The following CNBD1 variants were observed in gnomAD, a reference collection of about 807,000 sequenced individuals.
The protein encoded by CNBD1 is cyclic nucleotide binding domain containing 1, also known as cyclic nucleotide-binding domain-containing protein 1.
In CNBD1, 71 loss-of-function variants were observed where a neutral mutation model predicts 54.4. The ratio of observed to expected loss-of-function variants is 1.30; its 90% CI spans 1.08 to 1.59. CNBD1 has a LOEUF of 1.59. CNBD1 is among the 40% of genes most tolerant of loss of function. CNBD1 has a pLI of 0.00. For missense variants in CNBD1, 659 were observed against 518.0 expected (o/e 1.27, Z -2.64); for synonymous variants, 182 against 170.7 (o/e 1.07, Z -0.51).
intron 4 of CNBD1, among the ~76,000 whole-genome samples, chr8:86,958,889 T>G (rs1427770006): frequency 6.6e-6 from 1 of 152,230 alleles, no homozygotes; most frequent in Non-Finnish European, 1.5e-5. Flanking sequence ...AGCTGGTTAC[T>G]TTACTCATTA....
rs1218811390 is a variant in CNBD1, at chr8:87,382,617, C to T, written c.1304-3C>T. ...TTCTTGTTTGTTTGTTTGCCTTTTG[C>T]AGTGGCCTAGATCTAGAAACAACCT... On this transcript the variant is annotated splice_polypyrimidine_tract_variant and splice_region_variant and intron_variant, in intron 10 of 10. Coordinates refer to ENST00000518476, the MANE Select transcript of CNBD1 (RefSeq NM_173538.3). The T allele has an allele frequency of 4.6e-6, 7 of 1,537,232 alleles. No individual in the cohort carries two copies. The African/African-American group carries it at 6.9e-5, about 15-fold the overall frequency.
At chr8:87,089,746 T>A (rs905972686) in intron 4 of CNBD1, among the ~76,000 whole-genome samples, 2 of 152,120 alleles carry the variant, frequency 1.3e-5, no homozygotes, top group Non-Finnish European at 2.9e-5. Flanking sequence ...ACTTTACTTT[T>A]TTTTCTCAAA....
At position 86,894,035 on chromosome 8, in the gene CNBD1, A is replaced by ATTTTTTTTTTTTTTTTTTTTTT. The variant is rs869060076; in HGVS notation, c.158+6440_158+6461dup. Among the ~76,000 whole-genome samples the ATTTTTTTTTTTTTTTTTTTTTT allele has an allele frequency of 3.8e-5, 2 of 52,342 alleles. 1 individual carries two copies. Among genetic ancestry groups the ATTTTTTTTTTTTTTTTTTTTTT allele is most frequent in the Non-Finnish European group, 7.1e-5 (2 of 28,064 alleles). The allele number at this position is 52,342 out of a possible 152,430, so 34.3% of individuals were successfully genotyped here. ...TTTATTCATATATTTTAATAGATTA[A>ATTTTTTTTTTTTTTTTTTTTTT]TTTTTTTTTTTTTTTTTTTTTTTTT... On this transcript the variant is annotated intron_variant, in intron 2 of 10. Coordinates refer to ENST00000518476, the MANE Select transcript of CNBD1 (RefSeq NM_173538.3).
At chr8:87,033,108 AC>A (rs1169973180) in intron 4 of CNBD1, among the ~76,000 whole-genome samples, 1 of 152,190 alleles carries the variant, frequency 6.6e-6, no homozygotes, top group East Asian at 1.9e-4. Flanking sequence ...GATGACCTTT[AC>A]AGCTTTTTAA....
intron 8 of CNBD1, among the ~76,000 whole-genome samples, chr8:87,298,020 TTTA>T (rs1340885491): frequency 2.6e-5 from 4 of 151,678 alleles, no homozygotes; most frequent in African/African-American, 4.8e-5. Context: ...TAATAAGAGC[TTTA>T]TTATTAATAT....
intron 2 of CNBD1, among the ~76,000 whole-genome samples, chr8:87,426,147 G>T (rs1049887849): frequency 6.6e-6 from 1 of 152,196 alleles, no homozygotes; most frequent in Non-Finnish European, 1.5e-5. Flanking sequence ...TGTGCTTCCT[G>T]AGTGAGGCAA....
intron 4 of CNBD1, among the ~76,000 whole-genome samples, chr8:87,181,696 G>GT (rs1166271834): frequency 3.3e-5 from 5 of 151,898 alleles, no homozygotes; most frequent in Admixed American, 2.6e-4. Context: ...GATTTCTGAG[G>GT]TTTTTTCCTT....
In CNBD1 at chr8:86,900,725, C is replaced by T. The variant is rs1320554897; in HGVS notation, c.159-4356C>T. 2.6e-5 allele frequency among the ~76,000 whole-genome samples: 4 copies of T among 152,054 alleles called. No homozygotes were observed. In the East Asian group the frequency reaches 5.8e-4, roughly 22 times the overall value. ...TACTTCATATAAGGTTACAGGACTT[C>T]AGTTTTATATGCAAATCAGATATTG... is the stretch of plus-strand genomic sequence containing the variant. On this transcript the variant is annotated intron_variant, in intron 2 of 10. Coordinates refer to ENST00000518476, the MANE Select transcript of CNBD1 (RefSeq NM_173538.3).
At chr8:87,105,969 C>A (rs1428632731) in intron 4 of CNBD1, among the ~76,000 whole-genome samples, 1 of 152,114 alleles carries the variant, frequency 6.6e-6, no homozygotes, top group Non-Finnish European at 1.5e-5. Flanking sequence ...CAAACCATAT[C>A]TTTGATAACG....
chr8:87,328,273 T>G (rs924632143), intron 8 of CNBD1, among the ~76,000 whole-genome samples: 2 of 152,088 alleles, frequency 1.3e-5, no homozygotes, highest in Non-Finnish European at 2.9e-5. Flanking sequence ...CTTGTCAAGA[T>G]CAGTTGACAA....
At chr8:87,281,863 T>C (rs1193348653) in intron 6 of CNBD1, among the ~76,000 whole-genome samples, 3 of 151,450 alleles carry the variant, frequency 2.0e-5, no homozygotes, top group Non-Finnish European at 4.4e-5. Context: ...AAAAACCATG[T>C]GGTATTATGA....
rs534071844 is a variant in CNBD1 at position 86,936,679 on chromosome 8, C to A, written c.273-2917C>A. ...AATGGTGTGAACCCAGGAGGCAGAG[C>A]TTGCAGTGAGCTGAGATCGTACCAC... On this transcript the variant is annotated intron_variant, in intron 3 of 10. Transcript: ENST00000518476. 3.4e-5 allele frequency among the ~76,000 whole-genome samples: 5 copies of A among 147,954 alleles called. No homozygotes were observed. In the East Asian group the frequency reaches 1.0e-3, roughly 30 times the overall value.
chr8:86,905,020 C>A lies in CNBD1; in HGVS notation c.159-61C>A. ...GATACGTATATATTGAGTTAAAAAT[C>A]TTTCTCTTGGAAGCTGTTATCCTAT... is the stretch of plus-strand genomic sequence containing the variant. On this transcript the variant is annotated intron_variant, in intron 2 of 10. Transcript: ENST00000518476. 3 of 967,880 alleles carry A rather than the reference C, an allele frequency of 3.1e-6. No homozygotes were observed. In the East Asian group the frequency reaches 7.8e-5, roughly 25 times the overall value. 60.0% of individuals were successfully genotyped at this position (967,880 alleles called of 1,614,324 possible). A position where few individuals can be genotyped will look rare whatever the true frequency, so the allele number is the denominator to read the frequency against.
At chr8:87,408,562 A>G (rs1807688406) in intron 2 of CNBD1, among the ~76,000 whole-genome samples, 1 of 152,020 alleles carries the variant, frequency 6.6e-6, no homozygotes, top group African/African-American at 2.4e-5. Context: ...GTCTCTCAGT[A>G]TTTATGATAG....
At chr8:87,337,449 A>G (rs1462376981) in intron 8 of CNBD1, among the ~76,000 whole-genome samples, 1 of 152,000 alleles carries the variant, frequency 6.6e-6, no homozygotes, top group Non-Finnish European at 1.5e-5. Flanking sequence ...GTTGGCTGCC[A>G]CCCCTCCCCC....
intron 8 of CNBD1, among the ~76,000 whole-genome samples, chr8:87,291,112 C>G (rs1808777221): frequency 6.6e-6 from 1 of 152,106 alleles, no homozygotes; most frequent in Non-Finnish European, 1.5e-5. Context: ...CATTGTTATT[C>G]AGGTAAAATG....
At chr8:87,346,320 G>A (rs965590535) in intron 8 of CNBD1, among the ~76,000 whole-genome samples, 1 of 152,020 alleles carries the variant, frequency 6.6e-6, no homozygotes, top group Non-Finnish European at 1.5e-5. Flanking sequence ...GGTATCACAG[G>A]TGTGAGCCAC....
chr8:87,287,806 C>G (rs1250601434), intron 8 of CNBD1, among the ~76,000 whole-genome samples: 1 of 151,952 alleles, frequency 6.6e-6, no homozygotes, highest in Non-Finnish European at 1.5e-5. Context: ...AATCTAAAAC[C>G]TTTCTCGTAT....
At chr8:87,276,245 A>G (rs1808477938) in intron 6 of CNBD1, among the ~76,000 whole-genome samples, 1 of 151,860 alleles carries the variant, frequency 6.6e-6, no homozygotes, top group Non-Finnish European at 1.5e-5. Flanking sequence ...GGATGTTACC[A>G]ATGCCTTCCT....
Sources: allele counts gnomAD v4.1 joint callset (sites outside exome capture counted in the v4.1 genomes callset), GRCh38; gene constraint gnomAD v4.1.1; transcripts MANE v1.5; gene names NCBI Gene and HGNC (gene_info 2026-07-23, HGNC 2026-07-21).